INPP4B: variants seen among roughly 807,000 people sequenced by gnomAD.
INPP4B encodes the protein inositol polyphosphate 4-phosphatase type II.
INPP4B carries 55 observed loss-of-function variants against 122.5 expected under a neutral mutation model. That is an observed-to-expected ratio of 0.45 (90% confidence interval 0.36 to 0.56). The LOEUF is 0.56. INPP4B is among the 20% of genes least tolerant of loss of function. The pLI, the probability that INPP4B is intolerant of heterozygous loss-of-function variation, is 0.00. For missense variants in INPP4B, 1,000 were observed against 1,097.7 expected (o/e 0.91, Z 1.26); for synonymous variants, 403 against 388.7 (o/e 1.04, Z -0.43).
chr4:142,458,337 T>C (rs563477708), intron 3 of INPP4B, among the ~76,000 whole-genome samples: 36 of 152,266 alleles, frequency 2.4e-4, no homozygotes, highest in African/African-American at 8.2e-4. Flanking sequence ...AAGTGTTCTG[T>C]GCCTTGATTG....
At chr4:142,073,041 T>C (rs923963581) in intron 25 of INPP4B, among the ~76,000 whole-genome samples, 6 of 152,244 alleles carry the variant, frequency 3.9e-5, no homozygotes, top group Non-Finnish European at 7.4e-5. Context: ...GCTGGCCTAA[T>C]TGTTAGATTT....
chr4:142,760,686 T>C (rs2150972513), intron 1 of INPP4B, among the ~76,000 whole-genome samples: 2 of 152,170 alleles, frequency 1.3e-5, no homozygotes, highest in East Asian at 3.9e-4. Context: ...TATTCTTATA[T>C]TAAATTTTGT....
intron 1 of INPP4B, among the ~76,000 whole-genome samples, chr4:142,818,574 G>A (rs1780416720): frequency 6.6e-6 from 1 of 152,056 alleles, no homozygotes; most frequent in Non-Finnish European, 1.5e-5. Context: ...ACATTTCATT[G>A]ACAATATAGA....
intron 25 of INPP4B, among the ~76,000 whole-genome samples, chr4:142,056,695 A>C (rs535598727): frequency 1.3e-5 from 2 of 152,264 alleles, no homozygotes; most frequent in East Asian, 3.9e-4. Context: ...TAAGCCTAAA[A>C]ACACACACAT....
intron 2 of INPP4B, among the ~76,000 whole-genome samples, chr4:142,578,097 G>C (rs998111396): frequency 4.6e-5 from 7 of 151,846 alleles, no homozygotes; most frequent in African/African-American, 1.7e-4. Context: ...GAGGATTATG[G>C]GAGCCTTCTG....
At chr4:142,612,537 C>T (rs1742783509) in intron 2 of INPP4B, among the ~76,000 whole-genome samples, 2 of 152,126 alleles carry the variant, frequency 1.3e-5, no homozygotes, top group Non-Finnish European at 2.9e-5. Flanking sequence ...ACATATTTGG[C>T]GTTTGGTAAG....
intron 2 of INPP4B, among the ~76,000 whole-genome samples, chr4:142,548,749 CTGTGTGTGTGTG>C (rs35765248): frequency 3.4e-5 from 5 of 144,930 alleles, no homozygotes; most frequent in Non-Finnish European, 6.2e-5. Flanking sequence ...ACAGATGTGT[CTGTGTGTGTGTG>C]TGTGTGTGTG....
intron 7 of INPP4B, among the ~76,000 whole-genome samples, chr4:142,347,748 T>C (rs559974754): frequency 5.9e-5 from 9 of 151,988 alleles, no homozygotes; most frequent in African/African-American, 2.2e-4. Flanking sequence ...ATTCATGAGA[T>C]AGAGATTGCA....
intron 1 of INPP4B, among the ~76,000 whole-genome samples, chr4:142,753,527 T>A (rs927430013): frequency 6.6e-5 from 10 of 152,032 alleles, no homozygotes; most frequent in African/African-American, 2.4e-4. Flanking sequence ...AAAACAAATG[T>A]GCATATTGAT....
intron 9 of INPP4B, among the ~76,000 whole-genome samples, chr4:142,282,739 T>G (rs567314600): frequency 6.6e-6 from 1 of 152,218 alleles, no homozygotes; most frequent in African/African-American, 2.4e-5. Context: ...CCATCTCCAG[T>G]CTGCTAAGAC....
chr4:142,390,477 T>C (rs1379750029), intron 7 of INPP4B, among the ~76,000 whole-genome samples: 1 of 152,184 alleles, frequency 6.6e-6, no homozygotes, highest in African/African-American at 2.4e-5. Context: ...CTTTAACATA[T>C]TTGATAGGCT....
At chr4:142,783,976 G>T (rs954630528) in intron 1 of INPP4B, among the ~76,000 whole-genome samples, 4 of 152,104 alleles carry the variant, frequency 2.6e-5, no homozygotes, top group African/African-American at 9.7e-5. Context: ...CTAAAAAAAT[G>T]CCAGAGACTT....
chr4:142,526,542 G>A (rs1432371185), intron 2 of INPP4B, among the ~76,000 whole-genome samples: 1 of 152,028 alleles, frequency 6.6e-6, no homozygotes, highest in African/African-American at 2.4e-5. Flanking sequence ...CAATTGTATA[G>A]ACATCAGAGA....
intron 1 of INPP4B, among the ~76,000 whole-genome samples, chr4:142,767,192 T>C (rs1772283436): frequency 6.6e-6 from 1 of 152,198 alleles, no homozygotes; most frequent in African/African-American, 2.4e-5. Flanking sequence ...GTTTGCTCTG[T>C]CACTCTTTTA....
chr4:142,478,211 A>G (rs750734797), intron 2 of INPP4B, among the ~76,000 whole-genome samples: 27 of 152,186 alleles, frequency 1.8e-4, no homozygotes, highest in Non-Finnish European at 2.9e-4. Flanking sequence ...ATAGATGTAT[A>G]AAGCCTGCAA....
intron 2 of INPP4B, among the ~76,000 whole-genome samples, chr4:142,464,227 C>T (rs1216662839): frequency 6.6e-6 from 1 of 152,060 alleles, no homozygotes; most frequent in African/African-American, 2.4e-5. Context: ...TGGTTCTTTT[C>T]TCTATTTTAT....
At chr4:142,305,136 ATAAG>A (rs1387808876) in intron 9 of INPP4B, among the ~76,000 whole-genome samples, 1 of 152,208 alleles carries the variant, frequency 6.6e-6, no homozygotes, top group Admixed American at 6.6e-5. Context: ...TAACATTTTG[ATAAG>A]TAAGAGAAAA....
At chr4:142,321,253 C>A (rs1186279920) in intron 7 of INPP4B, among the ~76,000 whole-genome samples, 1 of 152,030 alleles carries the variant, frequency 6.6e-6, no homozygotes, top group East Asian at 1.9e-4. Flanking sequence ...GCTTGTTGGC[C>A]ATTTATATTT....
intron 9 of INPP4B, among the ~76,000 whole-genome samples, chr4:142,276,545 T>C (rs1007758391): frequency 6.6e-6 from 1 of 151,970 alleles, no homozygotes; most frequent in Admixed American, 6.6e-5. Context: ...CAACTCAGCC[T>C]CTGTAAAGAT....
Sources: allele counts gnomAD v4.1 joint callset (sites outside exome capture counted in the v4.1 genomes callset), GRCh38; gene constraint gnomAD v4.1.1; transcripts MANE v1.5; gene names NCBI Gene and HGNC (gene_info 2026-07-23, HGNC 2026-07-21).